The following HPGDS variants were observed in gnomAD, a reference collection of about 807,000 sequenced individuals.
The protein encoded by HPGDS is hematopoietic prostaglandin D synthase.
HPGDS carries 26 observed loss-of-function variants against 23.1 expected under a neutral mutation model. The ratio of observed to expected loss-of-function variants is 1.13; its 90% CI spans 0.83 to 1.56. The LOEUF is 1.56. Ranked by LOEUF, HPGDS falls within the 40% of genes most tolerant of loss-of-function variation. The pLI is 0.00. For missense variants in HPGDS, 268 were observed against 236.4 expected (o/e 1.13, Z -0.88); for synonymous variants, 95 against 77.9 (o/e 1.22, Z -1.16).
At chr4:94,312,431 A>C (rs954895815) in intron 3 of HPGDS, among the ~76,000 whole-genome samples, 87 of 152,082 alleles carry the variant, frequency 5.7e-4, no homozygotes, top group Admixed American at 1.6e-3. Flanking sequence ...TGTTCAGTTT[A>C]CATGTAGTTG....
intron 1 of HPGDS, among the ~76,000 whole-genome samples, chr4:94,342,040 G>A (rs1721183648): frequency 6.6e-6 from 1 of 152,096 alleles, no homozygotes; most frequent in South Asian, 2.1e-4. Context: ...TTAAATTATA[G>A]GACAATAGAG....
intron 3 of HPGDS, among the ~76,000 whole-genome samples, chr4:94,312,657 A>G (rs113806685): frequency 2.0e-5 from 3 of 152,112 alleles, no homozygotes; most frequent in African/African-American, 7.2e-5. Context: ...TATTAGGTCC[A>G]CTTGGTGCAG....
chr4:94,340,917 TC>T (rs1243626199), intron 1 of HPGDS, among the ~76,000 whole-genome samples: 1 of 144,146 alleles, frequency 6.9e-6, no homozygotes, highest in African/African-American at 2.6e-5. Context: ...CAATCTCGGC[TC>T]ACTGCAGCAT....
At chr4:94,313,981 A>T (rs1352341568) in intron 3 of HPGDS, among the ~76,000 whole-genome samples, 1 of 152,212 alleles carries the variant, frequency 6.6e-6, no homozygotes, top group Non-Finnish European at 1.5e-5. Context: ...CATGGTTTTC[A>T]GCTCCATCAG....
chr4:94,308,270 G>A (rs1020975330), intron 4 of HPGDS, among the ~76,000 whole-genome samples: 1 of 152,022 alleles, frequency 6.6e-6, no homozygotes, highest in Non-Finnish European at 1.5e-5. Context: ...GGAGTTTGGG[G>A]CATTTTGGAC....
chr4:94,303,980 C>T (rs1435763202), intron 4 of HPGDS: 1 of 151,818 alleles, frequency 6.6e-6, no homozygotes. Flanking sequence ...TTTTAAAGTA[C>T]AATCAACCAA....
At position 94,299,659 on chromosome 4, in the gene HPGDS, A is replaced by G; in HGVS notation, c.436-15T>C. On this transcript the variant is annotated splice_polypyrimidine_tract_variant and intron_variant, in intron 5 of 5. Coordinates refer to ENST00000295256, the MANE Select transcript of HPGDS (RefSeq NM_014485.3). ...GCCCAAGTTACCTAGTTTAAAGGAA[A>G]CAAACTTTTCATTTGAACATAGAAA... is the stretch of plus-strand genomic sequence containing the variant. 1 of 1,606,048 alleles carries G rather than the reference A, an allele frequency of 6.2e-7. No homozygotes were observed. The highest frequency in any genetic ancestry group is 8.5e-7 in the Non-Finnish European group (1 of 1,175,102).
At chr4:94,323,912 C>T (rs1322113038) in intron 2 of HPGDS, among the ~76,000 whole-genome samples, 1 of 152,124 alleles carries the variant, frequency 6.6e-6, no homozygotes, top group Non-Finnish European at 1.5e-5. Flanking sequence ...TTGTTTCTTT[C>T]CATGTTTAGT....
intron 4 of HPGDS, among the ~76,000 whole-genome samples, chr4:94,302,738 T>C (rs1756067518): frequency 6.6e-6 from 1 of 152,132 alleles, no homozygotes; most frequent in African/African-American, 2.4e-5. Context: ...CTTTATGTAT[T>C]TTCTCATTGG....
At chr4:94,320,376 C>G (rs1756478921) in intron 2 of HPGDS, among the ~76,000 whole-genome samples, 1 of 152,138 alleles carries the variant, frequency 6.6e-6, no homozygotes. Context: ...ACAGTCCCAC[C>G]AACAGTGTAA....
At chr4:94,324,122 G>A (rs964469114) in intron 2 of HPGDS, among the ~76,000 whole-genome samples, 1 of 152,232 alleles carries the variant, frequency 6.6e-6, no homozygotes, top group African/African-American at 2.4e-5. Context: ...TTTCTGCTGA[G>A]AGATCAGCTG....
chr4:94,338,734 T>C (rs1721073230), intron 1 of HPGDS, among the ~76,000 whole-genome samples: 1 of 152,158 alleles, frequency 6.6e-6, no homozygotes, highest in Non-Finnish European at 1.5e-5. Context: ...CTGGACAGCC[T>C]AGCTAATTCA....
At chr4:94,336,926 G>A (rs1194414523) in intron 1 of HPGDS, among the ~76,000 whole-genome samples, 1 of 147,842 alleles carries the variant, frequency 6.8e-6, no homozygotes, top group Admixed American at 6.7e-5. Context: ...TTGATTATTA[G>A]TTGTGGTTTC....
chr4:94,322,516 T>C (rs190191326), intron 2 of HPGDS, among the ~76,000 whole-genome samples: 1 of 152,214 alleles, frequency 6.6e-6, no homozygotes, highest in Non-Finnish European at 1.5e-5. Context: ...CAGCAATTTA[T>C]CCAGTTCTTC....
chr4:94,307,840 AGTGCACAGTTCT>A (rs1437846038), intron 4 of HPGDS, among the ~76,000 whole-genome samples: 1 of 152,198 alleles, frequency 6.6e-6, no homozygotes, highest in Non-Finnish European at 1.5e-5. Flanking sequence ...AGCATACTAC[AGTGCACAGTTCT>A]GTGCATTATT....
chr4:94,342,001 T>C (rs1260474168), intron 1 of HPGDS, among the ~76,000 whole-genome samples: 1 of 152,216 alleles, frequency 6.6e-6, no homozygotes, highest in Non-Finnish European at 1.5e-5. Flanking sequence ...CATTTCAAGT[T>C]CAATTCTGGA....
intron 3 of HPGDS, among the ~76,000 whole-genome samples, chr4:94,314,449 C>G (rs1277571903): frequency 6.6e-6 from 1 of 152,200 alleles, no homozygotes; most frequent in African/African-American, 2.4e-5. Flanking sequence ...GGCTGCAGAA[C>G]AGCAAATATT....
At chr4:94,313,774 C>T (rs1253164571) in intron 3 of HPGDS, among the ~76,000 whole-genome samples, 1 of 151,504 alleles carries the variant, frequency 6.6e-6, no homozygotes, top group Admixed American at 6.6e-5. Context: ...TTCAGGTACA[C>T]CAATCAGACG....
intron 3 of HPGDS, among the ~76,000 whole-genome samples, chr4:94,313,744 G>T (rs1358706868): frequency 6.6e-6 from 1 of 152,162 alleles, no homozygotes; most frequent in Non-Finnish European, 1.5e-5. Flanking sequence ...TTCCAACTTG[G>T]TTCCATTCTC....
Sources: gnomAD v4.1 joint callset for allele counts (sites outside exome capture counted in the v4.1 genomes callset) on GRCh38, gnomAD v4.1.1 for gene constraint, MANE v1.5 for transcripts, NCBI Gene and HGNC (gene_info 2026-07-23, HGNC 2026-07-21) for gene names.